CADPS2: variants seen among roughly 807,000 people sequenced by gnomAD.
The protein encoded by CADPS2 is calcium-dependent secretion activator 2.
In CADPS2, 93 loss-of-function variants were observed where a neutral mutation model predicts 172.5. The ratio of observed to expected loss-of-function variants is 0.54; its 90% CI spans 0.46 to 0.64. CADPS2 has a LOEUF of 0.64. Among genes scored for constraint, CADPS2 ranks in the 30% least tolerant of loss-of-function variants. The pLI is 0.00. For missense variants in CADPS2, 1,420 were observed against 1,565.9 expected (o/e 0.91, Z 1.57); for synonymous variants, 546 against 555.2 (o/e 0.98, Z 0.23).
intron 2 of CADPS2, among the ~76,000 whole-genome samples, chr7:122,705,484 TTATA>T (rs1344235742): frequency 3.3e-4 from 43 of 129,110 alleles, no homozygotes; most frequent in African/African-American, 1.2e-3. Context: ...TATATTTATA[TTATA>T]TATTATCTAT....
intron 2 of CADPS2, among the ~76,000 whole-genome samples, chr7:122,696,784 T>G (rs1367252688): frequency 2.0e-5 from 3 of 152,216 alleles, no homozygotes; most frequent in African/African-American, 7.2e-5. Flanking sequence ...TTATTTTGTA[T>G]AATTGGGAAA....
intron 4 of CADPS2, among the ~76,000 whole-genome samples, chr7:122,627,101 C>T (rs138968099): frequency 1.2e-4 from 18 of 152,298 alleles, no homozygotes; most frequent in Admixed American, 4.6e-4. Flanking sequence ...GTTAAGAGAG[C>T]GAGCCCAGGC....
At position 122,356,960 on chromosome 7, in the gene CADPS2, T is replaced by C. The variant is rs532631396; in HGVS notation, c.3504+3828A>G. Among the ~76,000 whole-genome samples the C allele has an allele frequency of 2.0e-5, 3 of 152,330 alleles. No homozygotes were observed. In the South Asian group the frequency reaches 6.2e-4, roughly 32 times the overall value. On this transcript the variant is annotated intron_variant, in intron 27 of 29. Transcript: ENST00000449022. Reference sequence around the variant, plus strand: ...GATTAGAGAACAAATTTGAGTGCTATGTGGGCTTGTTGCTACTGGGGCATC... The same window carrying C: ...GATTAGAGAACAAATTTGAGTGCTACGTGGGCTTGTTGCTACTGGGGCATC...
chr7:122,602,489 T>A (rs1173828916), intron 6 of CADPS2, among the ~76,000 whole-genome samples: 14 of 152,084 alleles, frequency 9.2e-5, no homozygotes, highest in Non-Finnish European at 1.5e-5. Context: ...TTGTATTGAC[T>A]TTGTGCTAAT....
chr7:122,568,949 C>A (rs2066827231), intron 7 of CADPS2, among the ~76,000 whole-genome samples: 1 of 152,146 alleles, frequency 6.6e-6, no homozygotes, highest in East Asian at 1.9e-4. Flanking sequence ...AAACTGGAAG[C>A]ATTCCCTTTG....
intron 17 of CADPS2, chr7:122,421,880 T>C (rs1177191463): frequency 6.6e-6 from 1 of 152,204 alleles, no homozygotes; most frequent in African/African-American, 2.4e-5. Flanking sequence ...ATGAAATTAT[T>C]GTGGTGGGTA....
intron 6 of CADPS2, among the ~76,000 whole-genome samples, chr7:122,586,440 G>C (rs2069707057): frequency 6.6e-6 from 1 of 151,906 alleles, no homozygotes; most frequent in East Asian, 1.9e-4. Flanking sequence ...GATATGAAAT[G>C]ACAGTTTTAA....
intron 27 of CADPS2, among the ~76,000 whole-genome samples, chr7:122,356,560 G>A (rs917568325): frequency 1.3e-5 from 2 of 152,136 alleles, no homozygotes; most frequent in African/African-American, 4.8e-5. Context: ...TTAAGGAGTA[G>A]GGATATATGC....
At position 122,574,445 on chromosome 7, in the gene CADPS2, TAAAAAAAAA is replaced by T. The variant is rs869077766; in HGVS notation, c.1335+6725_1335+6733del. Among the ~76,000 whole-genome samples the T allele has an allele frequency of 1.3e-3, 51 of 37,982 alleles. 2 individuals are homozygous for T. Among genetic ancestry groups the T allele is most frequent in the South Asian group, 3.6e-3 (2 of 548 alleles). 24.9% of individuals were successfully genotyped at this position (37,982 alleles called of 152,430 possible). ...TGGGTGATAGAGTGAGACCCTGTCT[TAAAAAAAAA>T]AAAAAAAAAAAAAAGTATATTTCTC... On this transcript the variant is annotated intron_variant, in intron 7 of 29. Coordinates refer to ENST00000449022, the MANE Select transcript of CADPS2 (RefSeq NM_017954.11).
intron 28 of CADPS2, among the ~76,000 whole-genome samples, chr7:122,340,360 G>C (rs2036583240): frequency 6.6e-6 from 1 of 152,154 alleles, no homozygotes; most frequent in Admixed American, 6.6e-5. Flanking sequence ...AGCAACATGA[G>C]AGCTAAAATG....
In CADPS2 at chr7:122,438,471, A is replaced by G; in HGVS notation, c.2353-7T>C. On this transcript the variant is annotated splice_region_variant and splice_polypyrimidine_tract_variant and intron_variant, in intron 16 of 29. Coordinates refer to ENST00000449022, the MANE Select transcript of CADPS2 (RefSeq NM_017954.11). Reference sequence around the variant, plus strand: ...CAATATCTTTCATTAAAACCTACAGAGAGAGGAAGTGGAAGGGTGAGGGGC... The same window carrying G: ...CAATATCTTTCATTAAAACCTACAGGGAGAGGAAGTGGAAGGGTGAGGGGC... 6.2e-7 allele frequency: 1 copy of G among 1,612,308 alleles called. No individual in the cohort carries two copies. Among genetic ancestry groups the G allele is most frequent in the Non-Finnish European group, 8.5e-7 (1 of 1,178,952 alleles).
chr7:122,580,467 A>AC (rs1554639633), intron 7 of CADPS2, among the ~76,000 whole-genome samples: 16 of 150,552 alleles, frequency 1.1e-4, no homozygotes, highest in South Asian at 2.1e-4. Context: ...AAAAAAAAAA[A>AC]CCCATTAAAA....
chr7:122,649,898 A>ATTTTTTTTTTTTTTTTTTT lies in CADPS2; in HGVS notation c.786+13320_786+13338dup, dbSNP rs71531909. Among the ~76,000 whole-genome samples, 61 of 52,018 alleles carry ATTTTTTTTTTTTTTTTTTT rather than the reference A, an allele frequency of 1.2e-3. 15 individuals are homozygous for ATTTTTTTTTTTTTTTTTTT. The highest frequency in any genetic ancestry group is 2.4e-3 in the East Asian group (3 of 1,272). 34.1% of individuals were successfully genotyped at this position (52,018 alleles called of 152,430 possible). A position where few individuals can be genotyped will look rare whatever the true frequency, so the allele number is the denominator to read the frequency against. ...TGACATTTTTCTTAAGTATTCAATG[A>ATTTTTTTTTTTTTTTTTTT]TTTTTTTTTTTTTTTTTTTTTTTTT... On this transcript the variant is annotated intron_variant, in intron 3 of 29. Transcript: ENST00000449022.
chr7:122,362,714 G>T (rs192518880), intron 25 of CADPS2, among the ~76,000 whole-genome samples: 1 of 152,258 alleles, frequency 6.6e-6, no homozygotes, highest in East Asian at 1.9e-4. Flanking sequence ...AACGAAGACT[G>T]GTTTTTGTTC....
chr7:122,573,799 G>C (rs536986975), intron 7 of CADPS2, among the ~76,000 whole-genome samples: 149 of 152,180 alleles, frequency 9.8e-4, no homozygotes, highest in Admixed American at 2.8e-3. Flanking sequence ...GATATAAACT[G>C]TATGTCTAAA....
chr7:122,866,257 T>C (rs1818287704), intron 1 of CADPS2, among the ~76,000 whole-genome samples: 1 of 152,206 alleles, frequency 6.6e-6, no homozygotes, highest in African/African-American at 2.4e-5. Context: ...TTTCAGGCTA[T>C]ATTCTATATT....
intron 8 of CADPS2, among the ~76,000 whole-genome samples, chr7:122,513,988 T>G (rs887243210): frequency 2.6e-5 from 4 of 152,214 alleles, no homozygotes; most frequent in Non-Finnish European, 4.4e-5. Flanking sequence ...TCTTCAACTT[T>G]GCATTGACCT....
At chr7:122,635,197 T>C (rs1180984587) in intron 3 of CADPS2, among the ~76,000 whole-genome samples, 1 of 152,134 alleles carries the variant, frequency 6.6e-6, no homozygotes, top group Non-Finnish European at 1.5e-5. Flanking sequence ...ATTCTGGAAT[T>C]TGATAGTTTT....
At chr7:122,867,818 C>T (rs750410496) in intron 1 of CADPS2, among the ~76,000 whole-genome samples, 15 of 152,152 alleles carry the variant, frequency 9.9e-5, no homozygotes, top group African/African-American at 2.9e-4. Flanking sequence ...CCTCTGCCAA[C>T]AACAATGAAA....
Sources: gnomAD v4.1 joint callset for allele counts (sites outside exome capture counted in the v4.1 genomes callset) on GRCh38, gnomAD v4.1.1 for gene constraint, MANE v1.5 for transcripts, NCBI Gene and HGNC (gene_info 2026-07-23, HGNC 2026-07-21) for gene names.